TOR1B: variants seen among roughly 807,000 people sequenced by gnomAD.
The protein encoded by TOR1B is torsin family 1 member B, also known as torsin-1B.
A neutral mutation model predicts 29.2 loss-of-function variants in TOR1B; 14 were observed. The ratio of observed to expected loss-of-function variants is 0.48; its 90% CI spans 0.32 to 0.75. The LOEUF (loss-of-function observed/expected upper bound fraction) is 0.75. TOR1B is among the 30% of genes least tolerant of loss of function. The probability of loss-of-function intolerance (pLI) is 0.04; values close to 1 mark genes in which losing one functional copy is unlikely to be tolerated. For synonymous variants in TOR1B, 166 were observed against 179.8 expected, an observed-to-expected ratio of 0.92 and a Z score of 0.62; for missense variants, 400 against 433.9, an observed-to-expected ratio of 0.92 and a Z score of 0.69.
At position 129,810,343 on chromosome 9, in the gene TOR1B, GTGT is replaced by G. The variant is rs2030778336; in HGVS notation, c.*761_*763del. On this transcript the variant is annotated 3_prime_UTR_variant, in exon 5 of 5. Coordinates refer to ENST00000259339, the MANE Select transcript of TOR1B (RefSeq NM_014506.3). ...TCTTGATCTGAGCTGACCTGTGTGT[GTGT>G]GTGTGGGGGGGTGGGGCCTTCACCT... The G allele has an allele frequency of 7.0e-6, 8 of 1,136,416 alleles. No individual in the cohort carries two copies. Among genetic ancestry groups the G allele is most frequent in the African/African-American group, 1.7e-5 (1 of 59,174 alleles). 70.4% of individuals were successfully genotyped at this position (1,136,416 alleles called of 1,614,324 possible). A position where few individuals can be genotyped will look rare whatever the true frequency, so the allele number is the denominator to read the frequency against.
Sources: gnomAD v4.1 joint callset for allele counts on GRCh38, gnomAD v4.1.1 for gene constraint, MANE v1.5 for transcripts, NCBI Gene and HGNC (gene_info 2026-07-23, HGNC 2026-07-21) for gene names.